MAP2K5: variants seen among roughly 807,000 people sequenced by gnomAD.
MAP2K5 encodes dual specificity mitogen-activated protein kinase kinase 5.
In MAP2K5, 49 loss-of-function variants were observed where a neutral mutation model predicts 83.1. The observed-to-expected ratio is 0.59, with a 90% CI of 0.47 to 0.75. The LOEUF (loss-of-function observed/expected upper bound fraction) is 0.75. MAP2K5 is among the 30% of genes least tolerant of loss of function. MAP2K5 has a pLI of 0.00. For missense variants in MAP2K5, 457 were observed against 557.5 expected, an observed-to-expected ratio of 0.82 and a Z score of 1.82; for synonymous variants, 202 against 191.8, an observed-to-expected ratio of 1.05 and a Z score of -0.44.
At chr15:67,705,289 G>A (rs574268676) in intron 16 of MAP2K5, among the ~76,000 whole-genome samples, 2 of 152,316 alleles carry the variant, frequency 1.3e-5, no homozygotes, top group East Asian at 1.9e-4. Flanking sequence ...TGCTGTATAG[G>A]CAATGGGGAT....
chr15:67,731,768 A>G (rs1040999497), intron 17 of MAP2K5, among the ~76,000 whole-genome samples: 1 of 151,816 alleles, frequency 6.6e-6, no homozygotes, highest in Non-Finnish European at 1.5e-5. Flanking sequence ...AAATAAGCCA[A>G]CTCCCTGGCT....
intron 11 of MAP2K5, among the ~76,000 whole-genome samples, chr15:67,657,189 G>T (rs777168056): frequency 2.5e-4 from 38 of 152,040 alleles, no homozygotes; most frequent in Non-Finnish European, 4.9e-4. Flanking sequence ...TGTTTTTTAG[G>T]TTTAGCTTGT....
At chr15:67,600,616 A>T in intron 7 of MAP2K5, 69 bp from the exon 8 acceptor site, 1 of 1,206,422 alleles carries the variant, frequency 8.3e-7, no homozygotes, top group South Asian at 1.3e-5. Context: ...TATGGCCCAG[A>T]GTTGCTTTTC....
chr15:67,615,178 A>G (rs1330381082), intron 8 of MAP2K5, among the ~76,000 whole-genome samples: 2 of 152,084 alleles, frequency 1.3e-5, no homozygotes, highest in African/African-American at 4.8e-5. Flanking sequence ...TTGTATTTTT[A>G]GTAGAAACAG....
At position 67,802,102 on chromosome 15, in the gene MAP2K5, G is replaced by A. The variant is rs1749817537; in HGVS notation, c.1243-4544G>A. On this transcript the variant is annotated intron_variant, in intron 21 of 21. Transcript: ENST00000178640. The surrounding 1 kb of genome is among the most constrained non-coding windows in gnomAD (Gnocchi z 5.0). ...ACCAAGCCCTGCCCCCTGCCTCCAC[G>A]TGGGAGGGGCCCGGGAGTGTCCTGC... Among the ~76,000 whole-genome samples the A allele has an allele frequency of 6.6e-6, 1 of 152,182 alleles. No individual in the cohort carries two copies. Among genetic ancestry groups the A allele is most frequent in the African/African-American group, 2.4e-5 (1 of 41,440 alleles).
Position 67,561,695 on chromosome 15 carries a change from G to T in MAP2K5, c.185-1588G>T, listed in dbSNP as rs1426745993. 6.6e-6 allele frequency among the ~76,000 whole-genome samples: 1 copy of T among 152,152 alleles called. No individual in the cohort carries two copies. Among genetic ancestry groups the T allele is most frequent in the Non-Finnish European group, 1.5e-5 (1 of 68,024 alleles). On this transcript the variant is annotated intron_variant, in intron 2 of 21. Coordinates refer to ENST00000178640, the MANE Select transcript of MAP2K5 (RefSeq NM_145160.3). This position sits in a 1 kb window ranked among gnomAD's most constrained non-coding sequence, Gnocchi z 4.2. ...GAGCTATGGGTCACTGAACAGGACT[G>T]GTCCAAGTGCTGGTTTCGATCATGC...
intron 19 of MAP2K5, among the ~76,000 whole-genome samples, chr15:67,754,498 C>G (rs1327791349): frequency 3.3e-5 from 5 of 152,162 alleles, no homozygotes; most frequent in Admixed American, 3.3e-4. Context: ...CGAGATAAAT[C>G]CCTGTGCTGG....
chr15:67,551,745 G>A (rs78017689), intron 2 of MAP2K5, among the ~76,000 whole-genome samples: 1 of 152,048 alleles, frequency 6.6e-6, no homozygotes, highest in Non-Finnish European at 1.5e-5. Context: ...GCTCAGGCTT[G>A]TGGGATTATT....
chr15:67,633,477 G>A (rs1247000608), intron 9 of MAP2K5, among the ~76,000 whole-genome samples: 1 of 152,188 alleles, frequency 6.6e-6, no homozygotes, highest in African/African-American at 2.4e-5. Flanking sequence ...TAAAAGTATT[G>A]TGCATTAGTT....
At chr15:67,553,251 C>A (rs952052666) in intron 2 of MAP2K5, among the ~76,000 whole-genome samples, 1 of 152,174 alleles carries the variant, frequency 6.6e-6, no homozygotes, top group Non-Finnish European at 1.5e-5. Context: ...CAGGTTCAAA[C>A]ACACATCTTT....
chr15:67,785,903 T>A lies in MAP2K5; in HGVS notation c.1242+13151T>A, dbSNP rs182687527. On this transcript the variant is annotated intron_variant, in intron 21 of 21. Coordinates refer to ENST00000178640, the MANE Select transcript of MAP2K5 (RefSeq NM_145160.3). The surrounding 1 kb of genome is among the most constrained non-coding windows in gnomAD (Gnocchi z 4.4). ...TATAGCTTCAAGTACAGGCACTACC[T>A]CTAGGAAACTGGGCAGGCAACAGCT... Among the ~76,000 whole-genome samples the A allele has an allele frequency of 7.9e-4, 120 of 152,288 alleles. 1 individual carries two copies. The highest frequency in any genetic ancestry group is 6.8e-3 in the Middle Eastern group (2 of 294).
chr15:67,683,761 AAAAAC>A (rs1241596997), intron 13 of MAP2K5, among the ~76,000 whole-genome samples: 1 of 152,210 alleles, frequency 6.6e-6, no homozygotes, highest in Non-Finnish European at 1.5e-5. Flanking sequence ...ACTCTGTCTC[AAAAAC>A]AAAACAAAAC....
At chr15:67,582,981 G>A (rs931012087) in intron 4 of MAP2K5, among the ~76,000 whole-genome samples, 4 of 151,802 alleles carry the variant, frequency 2.6e-5, no homozygotes, top group Non-Finnish European at 5.9e-5. Flanking sequence ...ACTGTTCATC[G>A]CATTATGCTT....
chr15:67,574,782 A>G (rs554277603), intron 3 of MAP2K5, among the ~76,000 whole-genome samples: 3 of 152,078 alleles, frequency 2.0e-5, no homozygotes. Context: ...CAGGAGAATC[A>G]TTTGAACCTG....
intron 11 of MAP2K5, among the ~76,000 whole-genome samples, chr15:67,650,518 T>TG (rs1555536666): frequency 1.3e-5 from 2 of 151,150 alleles, no homozygotes; most frequent in Non-Finnish European, 2.9e-5. Context: ...TTGTTGAGTT[T>TG]TTTTTTTTTT....
chr15:67,566,155 C>A (rs1025105425), intron 3 of MAP2K5, among the ~76,000 whole-genome samples: 1 of 152,014 alleles, frequency 6.6e-6, no homozygotes, highest in Non-Finnish European at 1.5e-5. Context: ...TTGCAAAAAG[C>A]TGTTTTTTTC....
At chr15:67,569,005 C>CAAAA (rs71142380) in intron 3 of MAP2K5, among the ~76,000 whole-genome samples, 25 of 91,154 alleles carry the variant, frequency 2.7e-4, no homozygotes, top group African/African-American at 4.7e-4. Flanking sequence ...GACTCCATCT[C>CAAAA]AAAAAAAAAA....
At chr15:67,679,397 A>G (rs2087760487) in intron 13 of MAP2K5, among the ~76,000 whole-genome samples, 1 of 152,150 alleles carries the variant, frequency 6.6e-6, no homozygotes, top group African/African-American at 2.4e-5. Flanking sequence ...GTGGGGGGAA[A>G]AAATCAGTCC....
Position 67,658,537 on chromosome 15 carries a change from A to G in MAP2K5, c.737-16A>G. 6.2e-7 allele frequency: 1 copy of G among 1,603,662 alleles called. No homozygotes were observed. Among genetic ancestry groups the G allele is most frequent in the Non-Finnish European group, 8.5e-7 (1 of 1,170,930 alleles). ...GTAATTTCATTTGTAGTAACATGGCATGTTTATCTCTACAGGGGGATCTTT... is the reference window on the plus strand; with the variant it reads ...GTAATTTCATTTGTAGTAACATGGCGTGTTTATCTCTACAGGGGGATCTTT... On this transcript the variant is annotated splice_polypyrimidine_tract_variant and intron_variant, in intron 11 of 21. Transcript: ENST00000178640.
Sources: allele counts gnomAD v4.1 joint callset (sites outside exome capture counted in the v4.1 genomes callset), GRCh38; gene constraint gnomAD v4.1.1; non-coding constraint Gnocchi (gnomAD v3.1); transcripts MANE v1.5; gene names NCBI Gene and HGNC (gene_info 2026-07-23, HGNC 2026-07-21).